NXPE2: variants seen among roughly 807,000 people sequenced by gnomAD.
The protein encoded by NXPE2 is NXPE family member 2.
In NXPE2, 34 loss-of-function variants were observed where a neutral mutation model predicts 34.4. The observed-to-expected ratio is 0.99, with a 90% CI of 0.75 to 1.31. The LOEUF (loss-of-function observed/expected upper bound fraction) is 1.31, where lower values mean the gene tolerates loss of function less well. Ranked by LOEUF, NXPE2 falls within the 40% of genes most tolerant of loss-of-function variation. NXPE2 has a pLI of 0.00. For missense variants in NXPE2, 649 were observed against 672.5 expected (o/e 0.97, Z 0.39); for synonymous variants, 235 against 231.3 (o/e 1.02, Z -0.15).
chr11:114,738,506 G>T, the NXPE2 span, among the ~76,000 whole-genome samples: 3 of 152,152 alleles, frequency 2.0e-5, no homozygotes, highest in Non-Finnish European at 4.4e-5. Context: ...CTGGGCCAAG[G>T]CTTGGTGTTT....
chr11:114,634,485 A>G, the NXPE2 span, among the ~76,000 whole-genome samples: 3 of 151,976 alleles, frequency 2.0e-5, 1 homozygote, highest in Non-Finnish European at 4.4e-5. Context: ...CCACTTGTCA[A>G]TTTTGGCTTT....
the NXPE2 span, among the ~76,000 whole-genome samples, chr11:114,475,245 T>G: frequency 0.016 from 1,304 of 79,918 alleles, 84 homozygotes; most frequent in Admixed American, 0.1. Flanking sequence ...TTTTTTTTTT[T>G]TTTTTTTTTT....
At chr11:114,794,286 C>T in the NXPE2 span, among the ~76,000 whole-genome samples, 1 of 152,082 alleles carries the variant, frequency 6.6e-6, no homozygotes, top group Non-Finnish European at 1.5e-5. Flanking sequence ...CACTTCTTGG[C>T]TCTCATTCTA....
At chr11:114,766,345 G>A in the NXPE2 span, among the ~76,000 whole-genome samples, 1 of 152,158 alleles carries the variant, frequency 6.6e-6, no homozygotes, top group Non-Finnish European at 1.5e-5. Context: ...CCAGCTGACG[G>A]AAGCATCATA....
chr11:114,520,698 C>T, the NXPE2 span, among the ~76,000 whole-genome samples: 1 of 152,166 alleles, frequency 6.6e-6, no homozygotes, highest in Non-Finnish European at 1.5e-5. Context: ...TCCATAATGG[C>T]TGTACCAACT....
chr11:114,632,215 A>G, the NXPE2 span, among the ~76,000 whole-genome samples: 1,412 of 140,688 alleles, frequency 0.01, 31 homozygotes, highest in African/African-American at 0.033. Context: ...TTATATATGT[A>G]TATGTATATA....
the NXPE2 span, among the ~76,000 whole-genome samples, chr11:114,478,075 C>T: frequency 1.1e-4 from 17 of 152,128 alleles, no homozygotes; most frequent in East Asian, 3.3e-3. Context: ...GCCCCCTCCC[C>T]CACCCCAAGT....
the NXPE2 span, among the ~76,000 whole-genome samples, chr11:114,790,103 T>C: frequency 6.6e-6 from 1 of 152,166 alleles, no homozygotes; most frequent in East Asian, 1.9e-4. Context: ...CAAGATATCT[T>C]GCCCCTCGCT....
At chr11:114,530,712 G>A in the NXPE2 span, 2 of 1,614,224 alleles carry the variant, frequency 1.2e-6, no homozygotes, top group South Asian at 1.1e-5. Context: ...TGTGCTGTGT[G>A]TGGCACTGGT....
the NXPE2 span, among the ~76,000 whole-genome samples, chr11:114,480,439 A>G: frequency 2.1e-3 from 317 of 152,294 alleles, no homozygotes; most frequent in African/African-American, 7.3e-3. Context: ...GCTAAGCTAA[A>G]AAGACGTTAA....
the NXPE2 span, among the ~76,000 whole-genome samples, chr11:114,740,429 T>G: frequency 3.9e-5 from 6 of 152,190 alleles, no homozygotes; most frequent in Non-Finnish European, 7.4e-5. Flanking sequence ...TTCTTCGACA[T>G]GCAAGTGCAA....
the NXPE2 span, among the ~76,000 whole-genome samples, chr11:114,729,823 G>C: frequency 2.0e-5 from 3 of 151,936 alleles, no homozygotes; most frequent in Non-Finnish European, 2.9e-5. Flanking sequence ...TTAGATTATA[G>C]TGCAAAATAT....
At chr11:114,597,359 G>A in the NXPE2 span, among the ~76,000 whole-genome samples, 1 of 152,120 alleles carries the variant, frequency 6.6e-6, no homozygotes, top group Non-Finnish European at 1.5e-5. Context: ...AACCAGGGGT[G>A]GACAAACTTT....
the NXPE2 span, among the ~76,000 whole-genome samples, chr11:114,515,286 G>A: frequency 6.6e-6 from 1 of 151,962 alleles, no homozygotes; most frequent in South Asian, 2.1e-4. Context: ...AGTAACCTGG[G>A]ATCTATTTGA....
At chr11:114,557,809 T>A in the NXPE2 span, among the ~76,000 whole-genome samples, 2,057 of 151,922 alleles carry the variant, frequency 0.014, 39 homozygotes, top group African/African-American at 0.046. Flanking sequence ...CATCTTCTAG[T>A]GACAAATTCT....
the NXPE2 span, among the ~76,000 whole-genome samples, chr11:114,669,939 C>A: frequency 7.2e-5 from 11 of 151,992 alleles, no homozygotes. Flanking sequence ...AACATTGCAA[C>A]CTCAGGGATA....
At chr11:114,702,565 C>T (rs550578555) in intron 3 of NXPE2, among the ~76,000 whole-genome samples, 1 of 152,264 alleles carries the variant, frequency 6.6e-6, no homozygotes, top group East Asian at 1.9e-4. Flanking sequence ...TGTTAGATGC[C>T]TCCCTTGTAT....
the NXPE2 span, among the ~76,000 whole-genome samples, chr11:114,560,688 A>G: frequency 3.7e-4 from 57 of 152,356 alleles, no homozygotes; most frequent in Non-Finnish European, 7.8e-4. Flanking sequence ...TAATTCACCA[A>G]TACAGTAAAT....
At chr11:114,652,268 T>C in the NXPE2 span, among the ~76,000 whole-genome samples, 6 of 152,210 alleles carry the variant, frequency 3.9e-5, no homozygotes, top group Non-Finnish European at 7.3e-5. Context: ...ACATTGAGCA[T>C]CTGGAAGGGG....
Sources: allele counts gnomAD v4.1 joint callset (sites outside exome capture counted in the v4.1 genomes callset), GRCh38; gene constraint gnomAD v4.1.1; transcripts MANE v1.5; gene names NCBI Gene and HGNC (gene_info 2026-07-23, HGNC 2026-07-21).